The following NRXN1 variants were observed in gnomAD, a reference collection of about 807,000 sequenced individuals.
NRXN1 encodes neurexin-1.
In NRXN1, 39 loss-of-function variants were observed where a neutral mutation model predicts 150.9. That is an observed-to-expected ratio of 0.26 (90% CI 0.20 to 0.34). The LOEUF is 0.34. NRXN1 is among the 10% of genes least tolerant of loss of function. NRXN1 has a pLI of 1.00. For synonymous variants in NRXN1, 924 were observed against 757.0 expected (o/e 1.22, Z -3.62); for missense variants, 1,815 against 1,949.9 (o/e 0.93, Z 1.30).
intron 19 of NRXN1, among the ~76,000 whole-genome samples, chr2:50,064,472 A>C (rs1439953739): frequency 6.6e-6 from 1 of 151,536 alleles, no homozygotes; most frequent in Non-Finnish European, 1.5e-5. Flanking sequence ...TGATCATGAC[A>C]ATCTTTGATT....
intron 5 of NRXN1, among the ~76,000 whole-genome samples, chr2:50,852,289 CT>C (rs1226483670): frequency 1.3e-5 from 2 of 152,040 alleles, no homozygotes; most frequent in African/African-American, 2.4e-5. Flanking sequence ...ACTCTTTCCC[CT>C]ATCAGGCAAA....
At chr2:50,289,210 C>A (rs1375978379) in intron 17 of NRXN1, among the ~76,000 whole-genome samples, 1 of 151,900 alleles carries the variant, frequency 6.6e-6, no homozygotes. Flanking sequence ...TCTGTAGAGC[C>A]CCAAGGTTAA....
chr2:50,074,470 A>T (rs1360052098), intron 19 of NRXN1, among the ~76,000 whole-genome samples: 1 of 152,144 alleles, frequency 6.6e-6, no homozygotes, highest in Admixed American at 6.5e-5. Flanking sequence ...CTTCTGTAAA[A>T]TGGGGATAAT....
chr2:50,484,744 C>G (rs1034993122), intron 15 of NRXN1, among the ~76,000 whole-genome samples: 1 of 152,152 alleles, frequency 6.6e-6, no homozygotes, highest in African/African-American at 2.4e-5. Flanking sequence ...AGATGCTATG[C>G]AAGGCATTGG....
At chr2:50,628,984 A>G (rs1425149418) in intron 5 of NRXN1, among the ~76,000 whole-genome samples, 1 of 151,710 alleles carries the variant, frequency 6.6e-6, no homozygotes. Flanking sequence ...AATACAAAAA[A>G]ATCCAGTGTC....
chr2:50,762,077 G>C (rs1172443607), intron 5 of NRXN1, among the ~76,000 whole-genome samples: 1 of 151,264 alleles, frequency 6.6e-6, no homozygotes, highest in Non-Finnish European at 1.5e-5. Flanking sequence ...TTGTGATCAT[G>C]TGAATCAATA....
chr2:51,003,924 A>T (rs762603185), intron 2 of NRXN1, among the ~76,000 whole-genome samples: 1 of 152,074 alleles, frequency 6.6e-6, no homozygotes, highest in Middle Eastern at 3.4e-3. Context: ...TTTTTAGCAC[A>T]TTAAGGCTCT....
intron 5 of NRXN1, among the ~76,000 whole-genome samples, chr2:50,802,673 T>C (rs1707783931): frequency 6.6e-6 from 1 of 150,984 alleles, no homozygotes; most frequent in African/African-American, 2.4e-5. Context: ...AAATAGAAAA[T>C]AGGGTCTTTT....
rs548886642 is a variant in NRXN1 at position 50,312,696 on chromosome 2, T to C, written c.3365-75726A>G. 15 of 510,590 alleles carry C rather than the reference T, an allele frequency of 2.9e-5. No individual in the cohort carries two copies. The East Asian group carries it at 7.1e-4, about 24-fold the overall frequency. 31.6% of individuals were successfully genotyped at this position (510,590 alleles called of 1,614,324 possible). A position where few individuals can be genotyped will look rare whatever the true frequency, so the allele number is the denominator to read the frequency against. On this transcript the variant is annotated intron_variant, in intron 17 of 22. Coordinates refer to ENST00000401669, the MANE Select transcript of NRXN1 (RefSeq NM_001330078.2). ...TCTGATTTTTTGTCACATCCTCTCA[T>C]CTAGTCACTAGAAAATGCTTCTATC...
chr2:50,539,789 A>G, intron 9 of NRXN1, among the ~76,000 whole-genome samples: 1 of 152,202 alleles, frequency 6.6e-6, no homozygotes, highest in East Asian at 1.9e-4. Flanking sequence ...ATGGGTATAG[A>G]ACCTCAGGTA....
At chr2:51,031,725 C>A (rs1455677017) in intron 1 of NRXN1, among the ~76,000 whole-genome samples, 1 of 152,068 alleles carries the variant, frequency 6.6e-6, no homozygotes, top group East Asian at 1.9e-4. Flanking sequence ...TAGCCTGTCT[C>A]TTATTTTCTT....
At chr2:50,203,737 A>G (rs1412869768) in intron 18 of NRXN1, among the ~76,000 whole-genome samples, 3 of 152,186 alleles carry the variant, frequency 2.0e-5, no homozygotes, top group African/African-American at 7.2e-5. Context: ...GTGTTATATT[A>G]CATGCATTAT....
At chr2:51,009,119 T>C (rs542753957) in intron 2 of NRXN1, 36 of 152,050 alleles carry the variant, frequency 2.4e-4, no homozygotes, top group Admixed American at 9.2e-4. Context: ...AACTCCAATA[T>C]TGCCCTAATT....
intron 17 of NRXN1, among the ~76,000 whole-genome samples, chr2:50,426,134 T>G (rs368481661): frequency 6.6e-6 from 1 of 152,220 alleles, no homozygotes; most frequent in African/African-American, 2.4e-5. Flanking sequence ...CCTTGCCTTT[T>G]TGATCTTCTA....
chr2:51,013,707 A>G (rs1391245432), intron 2 of NRXN1, among the ~76,000 whole-genome samples: 3 of 152,038 alleles, frequency 2.0e-5, no homozygotes, highest in African/African-American at 7.2e-5. Context: ...CTCTAGTGAT[A>G]CAGATTCACC....
chr2:50,219,520 T>C (rs1488302136), intron 18 of NRXN1, among the ~76,000 whole-genome samples: 2 of 151,940 alleles, frequency 1.3e-5, no homozygotes, highest in African/African-American at 4.8e-5. Context: ...ATTGAGGTAC[T>C]TACATTTTTA....
At chr2:50,997,884 C>T (rs1699533504) in intron 2 of NRXN1, among the ~76,000 whole-genome samples, 1 of 141,336 alleles carries the variant, frequency 7.1e-6, no homozygotes, top group Non-Finnish European at 1.5e-5. Flanking sequence ...AAACACTCTT[C>T]CTTAAATATA....
intron 5 of NRXN1, among the ~76,000 whole-genome samples, chr2:50,666,873 ATGATGATGTG>A (rs1381816291): frequency 3.8e-5 from 3 of 78,004 alleles, no homozygotes; most frequent in Non-Finnish European, 5.4e-5. Context: ...GATGATGATG[ATGATGATGTG>A]TGTGTGTGTG....
intron 5 of NRXN1, among the ~76,000 whole-genome samples, chr2:50,720,493 C>A (rs1465491281): frequency 1.3e-5 from 2 of 152,138 alleles, no homozygotes; most frequent in Non-Finnish European, 1.5e-5. Context: ...TTATGCCATA[C>A]TGTTGGTATG....
Sources: gnomAD v4.1 joint callset for allele counts (sites outside exome capture counted in the v4.1 genomes callset) on GRCh38, gnomAD v4.1.1 for gene constraint, MANE v1.5 for transcripts, NCBI Gene and HGNC (gene_info 2026-07-23, HGNC 2026-07-21) for gene names.